NELL1: variants seen among roughly 807,000 people sequenced by gnomAD.
The protein encoded by NELL1 is protein kinase C-binding protein NELL1.
NELL1 carries 76 observed loss-of-function variants against 107.4 expected under a neutral mutation model. The observed-to-expected ratio is 0.71, with a 90% CI of 0.59 to 0.86. The LOEUF is 0.86. Among genes scored for constraint, NELL1 ranks in the 40% least tolerant of loss-of-function variants. The pLI is 0.00. For missense variants in NELL1, 1,024 were observed against 1,005.5 expected (o/e 1.02, Z -0.25); for synonymous variants, 353 against 341.2 (o/e 1.03, Z -0.38).
intron 13 of NELL1, among the ~76,000 whole-genome samples, chr11:21,215,300 G>A (rs1857589961): frequency 6.6e-6 from 1 of 152,120 alleles, no homozygotes; most frequent in African/African-American, 2.4e-5. Flanking sequence ...GTTTCCTGAG[G>A]CCTTCTCAGC....
chr11:20,720,635 G>A (rs1014047776), intron 2 of NELL1, among the ~76,000 whole-genome samples: 1 of 152,098 alleles, frequency 6.6e-6, no homozygotes, highest in Non-Finnish European at 1.5e-5. Flanking sequence ...TCAAGGTATT[G>A]GTGGAGTTGG....
intron 13 of NELL1, among the ~76,000 whole-genome samples, chr11:21,204,267 T>C (rs2133852154): frequency 6.6e-6 from 1 of 152,254 alleles, no homozygotes; most frequent in Admixed American, 6.5e-5. Context: ...AGATTTAGTT[T>C]TTTCACACAG....
chr11:21,510,690 G>T (rs1855413460), intron 15 of NELL1, among the ~76,000 whole-genome samples: 1 of 152,024 alleles, frequency 6.6e-6, no homozygotes, highest in South Asian at 2.1e-4. Flanking sequence ...TTGAGGTTTT[G>T]AACTCTATTA....
At chr11:21,324,643 G>A (rs1850088479) in intron 14 of NELL1, among the ~76,000 whole-genome samples, 1 of 152,010 alleles carries the variant, frequency 6.6e-6, no homozygotes, top group Non-Finnish European at 1.5e-5. Flanking sequence ...AAAGGATTTA[G>A]TAAGTACAAA....
chr11:21,177,573 G>A (rs1856739819), intron 13 of NELL1, among the ~76,000 whole-genome samples: 1 of 151,768 alleles, frequency 6.6e-6, no homozygotes, highest in South Asian at 2.1e-4. Context: ...ATACTGAAAT[G>A]CACATGCAAG....
At chr11:20,920,678 A>G (rs188848419) in intron 7 of NELL1, among the ~76,000 whole-genome samples, 7 of 151,968 alleles carry the variant, frequency 4.6e-5, no homozygotes, top group East Asian at 3.9e-4. Flanking sequence ...GAAACATGCC[A>G]CTCTGTCTCA....
At chr11:21,271,485 A>C (rs770112784) in intron 14 of NELL1, among the ~76,000 whole-genome samples, 1 of 152,214 alleles carries the variant, frequency 6.6e-6, no homozygotes. Flanking sequence ...CCAATAATTA[A>C]TAACAGTTTC....
At chr11:20,952,806 C>A (rs555425828) in intron 11 of NELL1, among the ~76,000 whole-genome samples, 1 of 152,292 alleles carries the variant, frequency 6.6e-6, no homozygotes, top group African/African-American at 2.4e-5. Flanking sequence ...GAGAGAAAAC[C>A]TGACACTAAG....
intron 15 of NELL1, among the ~76,000 whole-genome samples, chr11:21,486,465 C>T (rs1854634680): frequency 6.6e-6 from 1 of 152,164 alleles, no homozygotes; most frequent in Non-Finnish European, 1.5e-5. Flanking sequence ...ATATCTACAT[C>T]TTCAGCAAAA....
intron 9 of NELL1, among the ~76,000 whole-genome samples, chr11:20,931,654 G>A (rs953688296): frequency 5.9e-5 from 9 of 152,080 alleles, no homozygotes; most frequent in Admixed American, 2.6e-4. Flanking sequence ...TTTTAATCCA[G>A]TCTGACAGTC....
At chr11:20,927,001 G>C (rs1349192018) in intron 7 of NELL1, 1 of 273,824 alleles carries the variant, frequency 3.7e-6, no homozygotes, top group Non-Finnish European at 6.9e-6. Context: ...TTCATTATGA[G>C]TGTTTTTGTG....
chr11:20,755,563 T>TTTATTTA (rs1856256173), intron 2 of NELL1, among the ~76,000 whole-genome samples: 1 of 19,114 alleles, frequency 5.2e-5, no homozygotes, highest in Admixed American at 7.6e-4. Context: ...TTTGTTTTTG[T>TTTATTTA]TTTTTTTTTT....
intron 4 of NELL1, among the ~76,000 whole-genome samples, chr11:20,858,484 C>A (rs1048278452): frequency 4.6e-5 from 7 of 152,152 alleles, no homozygotes; most frequent in Admixed American, 6.5e-5. Context: ...CAAGGTTTAA[C>A]CTTTTGGTAA....
At chr11:20,928,555 C>T in intron 9 of NELL1, 76 bp downstream of exon 9, 7 of 1,159,414 alleles carry the variant, frequency 6.0e-6, no homozygotes, top group Non-Finnish European at 7.7e-6. Flanking sequence ...TTTTTCTGGA[C>T]TCAACTGATT....
chr11:21,389,576 A>T (rs912991962), intron 15 of NELL1, among the ~76,000 whole-genome samples: 1 of 151,782 alleles, frequency 6.6e-6, no homozygotes, highest in Non-Finnish European at 1.5e-5. Flanking sequence ...AAACTATGAT[A>T]TGTATATAGA....
intron 15 of NELL1, among the ~76,000 whole-genome samples, chr11:21,389,381 G>A (rs1197834673): frequency 6.6e-6 from 1 of 151,760 alleles, no homozygotes; most frequent in African/African-American, 2.4e-5. Context: ...AAGTCACTCT[G>A]TCTTTCTCTC....
intron 12 of NELL1, among the ~76,000 whole-genome samples, chr11:21,027,282 C>CTAGTT (rs60300243): frequency 0.29 from 40,524 of 140,770 alleles, 6,414 homozygotes; most frequent in Middle Eastern, 0.35. Context: ...TGGGAAAAGC[C>CTAGTT]TAGTTTAGTT....
chr11:20,675,424 C>T (rs1565301601), intron 1 of NELL1, among the ~76,000 whole-genome samples: 1 of 152,174 alleles, frequency 6.6e-6, no homozygotes. Flanking sequence ...GCTCAGAGTT[C>T]ATTGCACCCA....
chr11:21,284,081 G>A (rs1849056753), intron 14 of NELL1: 6 of 374,292 alleles, frequency 1.6e-5, no homozygotes, highest in Non-Finnish European at 3.2e-5. Context: ...ACATGAAGAG[G>A]AAATTCATAA....
Sources: gnomAD v4.1 joint callset for allele counts (sites outside exome capture counted in the v4.1 genomes callset) on GRCh38, gnomAD v4.1.1 for gene constraint, MANE v1.5 for transcripts, NCBI Gene and HGNC (gene_info 2026-07-23, HGNC 2026-07-21) for gene names.